LRCH1: variants seen among roughly 807,000 people sequenced by gnomAD.
LRCH1 encodes the protein leucine rich repeats and calponin homology domain containing 1.
In LRCH1, 23 loss-of-function variants were observed where a neutral mutation model predicts 94.9. The observed-to-expected ratio is 0.24, with a 90% confidence interval of 0.17 to 0.34. The LOEUF (loss-of-function observed/expected upper bound fraction) is 0.34, where lower values mean the gene tolerates loss of function less well. Among genes scored for constraint, LRCH1 ranks in the 10% least tolerant of loss-of-function variants. LRCH1 has a pLI of 1.00. For missense variants in LRCH1, 790 were observed against 945.9 expected (o/e 0.84, Z 2.16); for synonymous variants, 364 against 354.9 (o/e 1.03, Z -0.29).
At chr13:46,557,992 G>C (rs778133964) in intron 1 of LRCH1, among the ~76,000 whole-genome samples, 2 of 152,158 alleles carry the variant, frequency 1.3e-5, no homozygotes, top group African/African-American at 4.8e-5. Flanking sequence ...AGCCATGATC[G>C]CGCCACTGCA....
rs1398078109 is a variant in LRCH1 at position 46,553,541 on chromosome 13, G to A, written c.145G>A (p.Gly49Ser). ...CGCCCCCGGCGGGGCGGGTGGTGGC[G>A]GCGGTGGCAGCGGGGGCTTCAACCT... ...TGAPGGAGGG[G>S]GGSGGFNLPL... The change falls in exon 1 of 20, where the codon GGC becomes AGC. Residue 49 changes from glycine (G) to serine (S), a missense_variant. Gly to Ser is a moderately conservative substitution (Grantham distance 56, BLOSUM62 0). Around this residue, in one of 3 missense-constraint regions of LRCH1, gnomAD observed 136 missense variants for 143.5 expected, o/e 0.95. Transcript: ENST00000389797. 1.3e-5 allele frequency: 20 copies of A among 1,546,282 alleles called. No homozygotes were observed. The highest frequency in any genetic ancestry group is 1.7e-5 in the Non-Finnish European group (19 of 1,144,582).
At chr13:46,593,238 TAAAAA>T (rs957580392) in intron 1 of LRCH1, among the ~76,000 whole-genome samples, 1 of 147,950 alleles carries the variant, frequency 6.8e-6, no homozygotes, top group African/African-American at 2.5e-5. Context: ...AGACTTGAAA[TAAAAA>T]AAAAGTTTTT....
At chr13:46,618,650 C>G (rs2050841184) in intron 1 of LRCH1, among the ~76,000 whole-genome samples, 1 of 152,166 alleles carries the variant, frequency 6.6e-6, no homozygotes, top group African/African-American at 2.4e-5. Flanking sequence ...ATGTAGTCCT[C>G]CAATGAAGGC....
intron 11 of LRCH1, among the ~76,000 whole-genome samples, chr13:46,701,535 C>A (rs548777638): frequency 4.5e-4 from 68 of 152,108 alleles, no homozygotes; most frequent in Non-Finnish European, 7.6e-4. Context: ...AAAGTTTAAA[C>A]CCCTGATTTA....
intron 5 of LRCH1, among the ~76,000 whole-genome samples, chr13:46,686,617 GGGGCAGGA>G (rs1242586552): frequency 7.2e-5 from 11 of 152,144 alleles, no homozygotes; most frequent in Non-Finnish European, 1.3e-4. Context: ...ATGGGACCGA[GGGGCAGGA>G]GGGCAGGAGA....
intron 2 of LRCH1, among the ~76,000 whole-genome samples, chr13:46,664,828 CAG>C (rs1457075841): frequency 2.6e-5 from 4 of 152,138 alleles, no homozygotes; most frequent in African/African-American, 9.7e-5. Context: ...CTGAGAAAAC[CAG>C]AGAGATTAAA....
chr13:46,564,312 C>T (rs1201320142), intron 1 of LRCH1, among the ~76,000 whole-genome samples: 1 of 152,212 alleles, frequency 6.6e-6, no homozygotes, highest in Non-Finnish European at 1.5e-5. Context: ...CCCGCCAACC[C>T]ACAAAGCCCT....
chr13:46,671,026 T>C (rs924328046), intron 3 of LRCH1, among the ~76,000 whole-genome samples: 9 of 152,202 alleles, frequency 5.9e-5, no homozygotes, highest in Non-Finnish European at 1.2e-4. Flanking sequence ...ATTCGAGGCC[T>C]TCTGTGGTCA....
intron 1 of LRCH1, among the ~76,000 whole-genome samples, chr13:46,586,695 A>G (rs2050439263): frequency 6.6e-6 from 1 of 152,214 alleles, no homozygotes; most frequent in Non-Finnish European, 1.5e-5. Flanking sequence ...CTGGGATTAC[A>G]GGCGTGAGCC....
intron 7 of LRCH1, among the ~76,000 whole-genome samples, chr13:46,691,478 G>C (rs1870892190): frequency 6.6e-6 from 1 of 152,174 alleles, no homozygotes; most frequent in Admixed American, 6.5e-5. Flanking sequence ...TTCTTGTGTT[G>C]CTATAAAGAA....
chr13:46,643,353 T>C (rs2051181930), intron 1 of LRCH1, among the ~76,000 whole-genome samples: 1 of 152,224 alleles, frequency 6.6e-6, no homozygotes, highest in Non-Finnish European at 1.5e-5. Flanking sequence ...GGAATGCTCA[T>C]ATCTCTCTGT....
At chr13:46,580,439 C>T (rs978800932) in intron 1 of LRCH1, among the ~76,000 whole-genome samples, 2 of 152,202 alleles carry the variant, frequency 1.3e-5, no homozygotes, top group South Asian at 2.1e-4. Flanking sequence ...ACTACTGCAG[C>T]GAAACTGCAA....
chr13:46,711,869 A>G, intron 14 of LRCH1, 25 bp downstream of exon 14: 1 of 1,582,768 alleles, frequency 6.3e-7, no homozygotes, highest in Non-Finnish European at 8.7e-7. Flanking sequence ...GATTAATGGA[A>G]GGTGAGGTGT....
At chr13:46,645,064 G>A (rs1374512611) in intron 1 of LRCH1, among the ~76,000 whole-genome samples, 1 of 150,886 alleles carries the variant, frequency 6.6e-6, no homozygotes, top group Non-Finnish European at 1.5e-5. Context: ...AAATGCCAGA[G>A]TTTTCCCTCA....
intron 5 of LRCH1, among the ~76,000 whole-genome samples, chr13:46,687,350 A>G (rs924655953): frequency 6.6e-6 from 1 of 152,182 alleles, no homozygotes; most frequent in African/African-American, 2.4e-5. Flanking sequence ...CTCCAGCTCA[A>G]ATGTTAAACT....
chr13:46,724,963 A>G (rs921231306), intron 17 of LRCH1, among the ~76,000 whole-genome samples: 1 of 152,246 alleles, frequency 6.6e-6, no homozygotes, highest in African/African-American at 2.4e-5. Flanking sequence ...CCAGGCTCGC[A>G]TCAACAATGG....
chr13:46,743,811 A>T lies in LRCH1; in HGVS notation c.*1963A>T, dbSNP rs1252632004. ...AAACTGAGTAGGACACTCATGTAAG[A>T]GTAGATTTAATTTTCAGTGTTGATA... On this transcript the variant is annotated 3_prime_UTR_variant, in exon 20 of 20. Transcript: ENST00000389797. 1.0e-6 allele frequency: 1 copy of T among 983,824 alleles called. No individual in the cohort carries two copies. Among genetic ancestry groups the T allele is most frequent in the Non-Finnish European group, 1.2e-6 (1 of 828,562 alleles). 60.9% of individuals were successfully genotyped at this position (983,824 alleles called of 1,614,324 possible). A position where few individuals can be genotyped will look rare whatever the true frequency, so the allele number is the denominator to read the frequency against.
intron 1 of LRCH1, among the ~76,000 whole-genome samples, chr13:46,604,066 G>A (rs908144929): frequency 3.3e-5 from 5 of 152,178 alleles, no homozygotes; most frequent in African/African-American, 1.2e-4. Flanking sequence ...AGTATTGAAA[G>A]AATTAGGGGG....
rs112334490 is a variant in LRCH1, at chr13:46,671,630, T to C, written c.579+2474T>C. On this transcript the variant is annotated intron_variant, in intron 3 of 19. Coordinates refer to ENST00000389797, the MANE Select transcript of LRCH1 (RefSeq NM_001164211.2). ...CCTAGGTGAAAGCTTTGGATGAAAG[T>C]GACGGTCATATGCTGCTGCTTTTTC... Among the ~76,000 whole-genome samples the C allele has an allele frequency of 4.6e-3, 703 of 152,376 alleles. 7 individuals are homozygous for C. Among genetic ancestry groups the C allele is most frequent in the African/African-American group, 0.016 (665 of 41,588 alleles).
Sources: allele counts gnomAD v4.1 joint callset (sites outside exome capture counted in the v4.1 genomes callset), GRCh38; gene constraint gnomAD v4.1.1; regional missense constraint gnomAD v4.1.1; transcripts MANE v1.5; gene names NCBI Gene and HGNC (gene_info 2026-07-23, HGNC 2026-07-21).